The following CDH4 variants were observed in gnomAD, a reference collection of about 807,000 sequenced individuals.
CDH4 encodes cadherin-4.
A neutral mutation model predicts 86.0 loss-of-function variants in CDH4; 33 were observed. The ratio of observed to expected loss-of-function variants is 0.38; its 90% CI spans 0.29 to 0.51. CDH4 has a LOEUF of 0.51. Among genes scored for constraint, CDH4 ranks in the 20% least tolerant of loss-of-function variants. CDH4 has a pLI of 0.86. For missense variants in CDH4, 1,114 were observed against 1,307.4 expected, an observed-to-expected ratio of 0.85 and a Z score of 2.28; for synonymous variants, 555 against 549.4, an observed-to-expected ratio of 1.01 and a Z score of -0.14.
chr20:61,588,650 G>A (rs530448493), intron 2 of CDH4, among the ~76,000 whole-genome samples: 31 of 152,072 alleles, frequency 2.0e-4, no homozygotes, highest in African/African-American at 7.2e-4. Flanking sequence ...ACACTAGCCC[G>A]CTGCTCACCA....
At position 61,924,483 on chromosome 20, in the gene CDH4, C is replaced by A; in HGVS notation, c.1771+7C>A. On this transcript the variant is annotated splice_region_variant and intron_variant, in intron 11 of 15. Transcript: ENST00000614565. ...TTCCTGGCAGCTGACAATGGTGCGG[C>A]CCACCCCAGGGAGGCAGCCGTCTCG... 1.2e-6 allele frequency: 2 copies of A among 1,611,870 alleles called. No homozygotes were observed. The highest frequency in any genetic ancestry group is 1.7e-6 in the Non-Finnish European group (2 of 1,179,092).
chr20:61,602,004 T>C (rs2086604628), intron 2 of CDH4, among the ~76,000 whole-genome samples: 1 of 152,216 alleles, frequency 6.6e-6, no homozygotes, highest in South Asian at 2.1e-4. Flanking sequence ...AGAGCCAAGC[T>C]GCAGGACGCC....
At chr20:61,425,517 C>A (rs527286084) in intron 2 of CDH4, among the ~76,000 whole-genome samples, 1 of 152,162 alleles carries the variant, frequency 6.6e-6, no homozygotes, top group Non-Finnish European at 1.5e-5. Context: ...GCTCTGAGGT[C>A]GAGCCTAGGA....
At chr20:61,913,114 G>A (rs1370785865) in intron 9 of CDH4, among the ~76,000 whole-genome samples, 1 of 152,114 alleles carries the variant, frequency 6.6e-6, no homozygotes, top group Non-Finnish European at 1.5e-5. Context: ...TGGCCTTCAC[G>A]GGGAGCACAA....
At chr20:61,265,192 C>T (rs1418606572) in intron 2 of CDH4, among the ~76,000 whole-genome samples, 1 of 149,030 alleles carries the variant, frequency 6.7e-6, no homozygotes, top group African/African-American at 2.5e-5. Flanking sequence ...CTCAGTGGCT[C>T]CTTCATTCAA....
At chr20:61,524,387 A>C (rs1339343868) in intron 2 of CDH4, among the ~76,000 whole-genome samples, 1 of 152,080 alleles carries the variant, frequency 6.6e-6, no homozygotes, top group Non-Finnish European at 1.5e-5. Context: ...CCCGCATTCA[A>C]CCGTGGGCTT....
chr20:61,450,484 T>C lies in CDH4; in HGVS notation c.169+195547T>C, dbSNP rs148604987. On this transcript the variant is annotated intron_variant, in intron 2 of 15. Coordinates refer to ENST00000614565, the MANE Select transcript of CDH4 (RefSeq NM_001794.5). ...CAAGCCTTAACCTCTAAAGATACAG[T>C]TTATTTCATCTGTGCTGGGTCTTCA... Among the ~76,000 whole-genome samples, 64 of 152,280 alleles carry C rather than the reference T, an allele frequency of 4.2e-4. No homozygotes were observed. The East Asian group carries it at 0.012, about 28-fold the overall frequency.
Position 61,424,201 on chromosome 20 carries a change from G to A in CDH4, c.169+169264G>A, listed in dbSNP as rs191049435. Among the ~76,000 whole-genome samples, 632 of 141,504 alleles carry A rather than the reference G, an allele frequency of 4.5e-3. 9 individuals are homozygous for A. Among genetic ancestry groups the A allele is most frequent in the African/African-American group, 0.015 (560 of 37,040 alleles). The allele number at this position is 141,504 out of a possible 152,430, so 92.8% of individuals were successfully genotyped here. On this transcript the variant is annotated intron_variant, in intron 2 of 15. Transcript: ENST00000614565. ...ACACATAGCACACATGTATCCACAC[G>A]CATCCACACACAGCACACATGTATA...
chr20:61,396,087 C>T (rs1024514974), intron 2 of CDH4, among the ~76,000 whole-genome samples: 15 of 152,180 alleles, frequency 9.9e-5, no homozygotes, highest in Admixed American at 3.9e-4. Context: ...CAGGCCCATC[C>T]GTCGTGCCGT....
At chr20:61,296,401 A>G (rs1211839803) in intron 2 of CDH4, among the ~76,000 whole-genome samples, 1 of 151,834 alleles carries the variant, frequency 6.6e-6, no homozygotes, top group African/African-American at 2.4e-5. Context: ...GCCACGGGCC[A>G]TGCTTGCACA....
intron 2 of CDH4, among the ~76,000 whole-genome samples, chr20:61,285,507 T>G (rs1252216794): frequency 6.6e-6 from 1 of 152,196 alleles, no homozygotes; most frequent in Non-Finnish European, 1.5e-5. Flanking sequence ...AGAAAACAGC[T>G]GAAAGGCCTG....
intron 2 of CDH4, among the ~76,000 whole-genome samples, chr20:61,324,073 G>C (rs2084524123): frequency 6.6e-6 from 1 of 152,152 alleles, no homozygotes; most frequent in Admixed American, 6.5e-5. Flanking sequence ...CCAATTGTCT[G>C]TCCTTACTGG....
chr20:61,312,496 C>T (rs572508507), intron 2 of CDH4, among the ~76,000 whole-genome samples: 10 of 152,194 alleles, frequency 6.6e-5, no homozygotes, highest in Middle Eastern at 3.4e-3. Context: ...CGCCAGCCCC[C>T]GGGTGCACAG....
intron 2 of CDH4, among the ~76,000 whole-genome samples, chr20:61,390,812 C>T (rs1015941537): frequency 2.6e-5 from 4 of 151,262 alleles, no homozygotes; most frequent in South Asian, 4.2e-4. Context: ...GCCCATAGTG[C>T]GGTGTCTGGG....
At chr20:61,412,458 A>G (rs1382597836) in intron 2 of CDH4, among the ~76,000 whole-genome samples, 1 of 152,202 alleles carries the variant, frequency 6.6e-6, no homozygotes, top group Non-Finnish European at 1.5e-5. Flanking sequence ...CACTGGTTTG[A>G]TGCCCTAAAG....
intron 2 of CDH4, among the ~76,000 whole-genome samples, chr20:61,260,561 G>A (rs2084122769): frequency 6.6e-6 from 1 of 152,194 alleles, no homozygotes; most frequent in Non-Finnish European, 1.5e-5. Context: ...AAGGCTGGGT[G>A]GGACTCAGAC....
At chr20:61,905,192 A>G (rs2054775764) in intron 8 of CDH4, among the ~76,000 whole-genome samples, 1 of 152,206 alleles carries the variant, frequency 6.6e-6, no homozygotes, top group Non-Finnish European at 1.5e-5. Context: ...TTGTGTCGGA[A>G]AATCTGAAAA....
intron 2 of CDH4, among the ~76,000 whole-genome samples, chr20:61,543,778 C>T (rs188524034): frequency 2.4e-4 from 37 of 152,148 alleles, no homozygotes; most frequent in Non-Finnish European, 4.4e-4. Flanking sequence ...CCTCCTGCAA[C>T]GTTCATTTCT....
chr20:61,875,203 C>T (rs1472364492), intron 7 of CDH4, among the ~76,000 whole-genome samples: 2 of 152,228 alleles, frequency 1.3e-5, no homozygotes, highest in East Asian at 3.8e-4. Context: ...TCAAATCAAC[C>T]AAAGCCAAGC....
Sources: gnomAD v4.1 joint callset for allele counts (sites outside exome capture counted in the v4.1 genomes callset) on GRCh38, gnomAD v4.1.1 for gene constraint, MANE v1.5 for transcripts, NCBI Gene and HGNC (gene_info 2026-07-23, HGNC 2026-07-21) for gene names.